NR6A1: variants seen among roughly 807,000 people sequenced by gnomAD.
NR6A1 encodes the protein nuclear receptor subfamily 6 group A member 1.
A neutral mutation model predicts 59.1 loss-of-function variants in NR6A1; 7 were observed. That is an observed-to-expected ratio of 0.12 (90% CI 0.07 to 0.22). NR6A1 has a LOEUF of 0.22. Among genes scored for constraint, NR6A1 ranks in the 10% least tolerant of loss-of-function variants. NR6A1 has a pLI of 1.00. For missense variants in NR6A1, 468 were observed against 611.6 expected, an observed-to-expected ratio of 0.77 and a Z score of 2.48; for synonymous variants, 243 against 236.1, an observed-to-expected ratio of 1.03 and a Z score of -0.27.
intron 2 of NR6A1, among the ~76,000 whole-genome samples, chr9:124,615,711 T>A (rs796289765): frequency 1.3e-5 from 2 of 152,218 alleles, no homozygotes; most frequent in African/African-American, 4.8e-5. Flanking sequence ...AAGAGAAGAC[T>A]GATTATAGGT....
chr9:124,731,805 T>G (rs1839891272), intron 2 of NR6A1, among the ~76,000 whole-genome samples: 1 of 152,242 alleles, frequency 6.6e-6, no homozygotes, highest in African/African-American at 2.4e-5. Flanking sequence ...CAAAATTATG[T>G]TAATCTACTG....
chr9:124,752,960 T>G (rs1215711873), intron 1 of NR6A1, among the ~76,000 whole-genome samples: 2 of 151,722 alleles, frequency 1.3e-5, no homozygotes, highest in African/African-American at 4.8e-5. Flanking sequence ...GAAAGAAAAG[T>G]AAGGAGGGGG....
intron 2 of NR6A1, among the ~76,000 whole-genome samples, chr9:124,675,348 G>T (rs568687899): frequency 6.6e-6 from 1 of 152,118 alleles, no homozygotes; most frequent in Admixed American, 6.5e-5. Context: ...GTAACTTCTC[G>T]AAAAAATACT....
chr9:124,595,472 AT>A (rs1243546575), intron 2 of NR6A1, among the ~76,000 whole-genome samples: 10 of 152,300 alleles, frequency 6.6e-5, no homozygotes, highest in African/African-American at 1.7e-4. Context: ...CGTATATTTA[AT>A]TTTTTTAAAA....
chr9:124,567,715 G>T (rs1413649391), intron 2 of NR6A1, among the ~76,000 whole-genome samples: 1 of 152,036 alleles, frequency 6.6e-6, no homozygotes, highest in Non-Finnish European at 1.5e-5. Context: ...TGACTTAAAA[G>T]TGAGTGGTAA....
intron 2 of NR6A1, among the ~76,000 whole-genome samples, chr9:124,674,899 C>T (rs1477492754): frequency 6.6e-6 from 1 of 152,192 alleles, no homozygotes; most frequent in Non-Finnish European, 1.5e-5. Context: ...GTCCTACATT[C>T]CAGAGAGATA....
intron 3 of NR6A1, among the ~76,000 whole-genome samples, chr9:124,551,082 C>A (rs771092887): frequency 8.5e-5 from 13 of 152,066 alleles, no homozygotes; most frequent in Non-Finnish European, 7.3e-5. Context: ...TTGCTGGCCC[C>A]TTAAGATGCT....
At chr9:124,715,820 T>C (rs188840216) in intron 2 of NR6A1, among the ~76,000 whole-genome samples, 169 of 152,296 alleles carry the variant, frequency 1.1e-3, no homozygotes, top group African/African-American at 3.9e-3. Context: ...GTTATAGTAA[T>C]CAAGACACTA....
intron 1 of NR6A1, among the ~76,000 whole-genome samples, chr9:124,752,698 CA>C (rs1343304068): frequency 6.6e-6 from 1 of 151,274 alleles, no homozygotes; most frequent in Non-Finnish European, 1.5e-5. Flanking sequence ...CAAGTACCTA[CA>C]AAATTACTAT....
intron 2 of NR6A1, among the ~76,000 whole-genome samples, chr9:124,701,031 G>T (rs1231004881): frequency 6.6e-6 from 1 of 152,174 alleles, no homozygotes; most frequent in Non-Finnish European, 1.5e-5. Context: ...AAAGTGCTGA[G>T]ATTACAGGCA....
chr9:124,669,456 C>A, intron 2 of NR6A1, among the ~76,000 whole-genome samples: 1 of 152,190 alleles, frequency 6.6e-6, no homozygotes, highest in East Asian at 1.9e-4. Context: ...GTTCTTTCTT[C>A]AAAAATCCTG....
chr9:124,614,811 ACT>A (rs1186087676), intron 2 of NR6A1, among the ~76,000 whole-genome samples: 6 of 152,086 alleles, frequency 3.9e-5, no homozygotes, highest in African/African-American at 1.4e-4. Context: ...AGTCTCTGCA[ACT>A]CTGCCCAAAC....
chr9:124,587,558 A>G (rs1834971633), intron 2 of NR6A1, among the ~76,000 whole-genome samples: 1 of 152,212 alleles, frequency 6.6e-6, no homozygotes, highest in Non-Finnish European at 1.5e-5. Context: ...TAAAAAATGT[A>G]GTTGCCCACT....
At position 124,738,760 on chromosome 9, in the gene NR6A1, T is replaced by C. The variant is rs370955990; in HGVS notation, c.101-5411A>G. ...CGGCTCACACCTGTAATCCCAGCAC[T>C]TTGGGAGGCCAAGGCGGGAGGATCA... On this transcript the variant is annotated intron_variant, in intron 1 of 9. Transcript: ENST00000487099. Among the ~76,000 whole-genome samples the C allele has an allele frequency of 9.2e-5, 14 of 152,002 alleles. No homozygotes were observed. The East Asian group carries it at 2.7e-3, about 29-fold the overall frequency.
chr9:124,570,117 A>G (rs1447868365), intron 2 of NR6A1, among the ~76,000 whole-genome samples: 3 of 152,194 alleles, frequency 2.0e-5, no homozygotes, highest in Non-Finnish European at 4.4e-5. Flanking sequence ...ATGGGCAGCA[A>G]CTCTATGTTC....
Position 124,619,898 on chromosome 9 carries a change from C to T in NR6A1, c.143-65328G>A, listed in dbSNP as rs550934430. Among the ~76,000 whole-genome samples, 12 of 152,108 alleles carry T rather than the reference C, an allele frequency of 7.9e-5. 1 individual carries two copies. Among genetic ancestry groups the T allele is most frequent in the African/African-American group, 2.9e-4 (12 of 41,490 alleles). The stretch of plus-strand genomic sequence containing the variant: ...CCAATATGGTGAAACCCCGTCTCTA[C>T]TAAAAATACAAAATTAGCCAAGCAT... On this transcript the variant is annotated intron_variant, in intron 2 of 9. Transcript: ENST00000487099.
At chr9:124,641,832 C>G (rs114517287) in intron 2 of NR6A1, among the ~76,000 whole-genome samples, 2,722 of 152,282 alleles carry the variant, frequency 0.018, 83 homozygotes, top group African/African-American at 0.062. Context: ...ACATATTATG[C>G]AGCATAATTA....
At chr9:124,663,792 A>G (rs1837520674) in intron 2 of NR6A1, among the ~76,000 whole-genome samples, 2 of 152,240 alleles carry the variant, frequency 1.3e-5, no homozygotes, top group Admixed American at 1.3e-4. Context: ...TCTTAGAAAC[A>G]TAAATATTGA....
At chr9:124,531,202 G>A (rs911547444) in intron 7 of NR6A1, among the ~76,000 whole-genome samples, 12 of 152,216 alleles carry the variant, frequency 7.9e-5, no homozygotes, top group Non-Finnish European at 1.2e-4. Context: ...TGGTGCTCAT[G>A]AGATAGAGGT....
Sources: allele counts gnomAD v4.1 joint callset (sites outside exome capture counted in the v4.1 genomes callset), GRCh38; gene constraint gnomAD v4.1.1; transcripts MANE v1.5; gene names NCBI Gene and HGNC (gene_info 2026-07-23, HGNC 2026-07-21).